Variants in PLEKHA2 observed in about 807,000 individuals in gnomAD.
The protein encoded by PLEKHA2 is pleckstrin homology domain containing A2.
A neutral mutation model predicts 53.2 loss-of-function variants in PLEKHA2; 28 were observed. The ratio of observed to expected loss-of-function variants is 0.53; its 90% CI spans 0.39 to 0.72. PLEKHA2 has a LOEUF of 0.72. PLEKHA2 is among the 30% of genes least tolerant of loss of function. PLEKHA2 has a pLI of 0.00. For missense variants in PLEKHA2, 426 were observed against 537.9 expected, an observed-to-expected ratio of 0.79 and a Z score of 2.06; for synonymous variants, 193 against 196.4, an observed-to-expected ratio of 0.98 and a Z score of 0.14.
chr8:38,970,038 CAGT>C lies in PLEKHA2; in HGVS notation c.*256_*258del. 1 of 570,214 alleles carries C rather than the reference CAGT, an allele frequency of 1.8e-6. No homozygotes were observed. The highest frequency in any genetic ancestry group is 3.0e-6 in the Non-Finnish European group (1 of 329,842). The allele number at this position is 570,214 out of a possible 1,614,324, so 35.3% of individuals were successfully genotyped here. A position where few individuals can be genotyped will look rare whatever the true frequency, so the allele number is the denominator to read the frequency against. On this transcript the variant is annotated 3_prime_UTR_variant, in exon 12 of 12. Transcript: ENST00000617275. ...ACTAGGTTAGAACTGTAGGCATACTCAGTGGAGAGGAAGCTACCTATTCTATTC... is the reference window on the plus strand; with the variant it reads ...ACTAGGTTAGAACTGTAGGCATACTCGGAGAGGAAGCTACCTATTCTATTC...
chr8:38,930,587 C>T (rs1011483130), intron 2 of PLEKHA2, among the ~76,000 whole-genome samples: 28 of 152,224 alleles, frequency 1.8e-4, no homozygotes, highest in Non-Finnish European at 2.2e-4. Context: ...ATGTACAGAC[C>T]ACTCCTGACT....
At chr8:38,960,631 C>CAACA (rs1318863557) in intron 10 of PLEKHA2, among the ~76,000 whole-genome samples, 2 of 152,150 alleles carry the variant, frequency 1.3e-5, no homozygotes, top group Non-Finnish European at 2.9e-5. Context: ...TAATAGAAGA[C>CAACA]AACAGGATTC....
At chr8:38,932,183 A>T (rs1392235255) in intron 2 of PLEKHA2, among the ~76,000 whole-genome samples, 3 of 152,032 alleles carry the variant, frequency 2.0e-5, no homozygotes, top group Admixed American at 2.0e-4. Flanking sequence ...TTTTGTAGAG[A>T]CAGAGTCTTG....
chr8:38,931,327 C>T (rs1450928006), intron 2 of PLEKHA2, among the ~76,000 whole-genome samples: 1 of 152,118 alleles, frequency 6.6e-6, no homozygotes. Context: ...ACATAAGCAG[C>T]CTTCCAGAAC....
intron 10 of PLEKHA2, among the ~76,000 whole-genome samples, chr8:38,964,335 T>C (rs539810509): frequency 6.6e-6 from 1 of 152,272 alleles, no homozygotes; most frequent in African/African-American, 2.4e-5. Context: ...AGGTGAGCAG[T>C]GGGAGAGCAA....
At chr8:38,943,740 A>T (rs371487451) in intron 3 of PLEKHA2, 49 bp from the exon 4 acceptor site, 160 of 1,397,066 alleles carry the variant, frequency 1.1e-4, no homozygotes, top group Non-Finnish European at 1.0e-4. Flanking sequence ...GAAATCTTCA[A>T]CATTGTAAGA....
chr8:38,966,353 T>A (rs1835135423), intron 10 of PLEKHA2, among the ~76,000 whole-genome samples: 2 of 152,004 alleles, frequency 1.3e-5, no homozygotes, highest in Admixed American at 6.5e-5. Flanking sequence ...TAGTGTGTGG[T>A]GGTGGCACAT....
intron 11 of PLEKHA2, 108 bp downstream of exon 11, chr8:38,968,777 G>T: frequency 9.7e-7 from 1 of 1,028,584 alleles, no homozygotes. Context: ...CCGAGGTGCA[G>T]CTGAAGCCCC....
intron 2 of PLEKHA2, among the ~76,000 whole-genome samples, chr8:38,929,814 A>T (rs1230412721): frequency 1.3e-5 from 2 of 152,226 alleles, no homozygotes; most frequent in Non-Finnish European, 2.9e-5. Flanking sequence ...TAGAGGACTC[A>T]TGTGTAGTGA....
intron 2 of PLEKHA2, among the ~76,000 whole-genome samples, chr8:38,929,747 G>C (rs1834355067): frequency 6.6e-6 from 1 of 152,234 alleles, no homozygotes; most frequent in Non-Finnish European, 1.5e-5. Context: ...GATGTTAGGA[G>C]TTTGAGCTCT....
intron 2 of PLEKHA2, among the ~76,000 whole-genome samples, chr8:38,933,802 A>G (rs1028921128): frequency 4.6e-5 from 7 of 150,840 alleles, no homozygotes; most frequent in African/African-American, 1.5e-4. Context: ...AAAGAAAAGA[A>G]AGAAAAGCAG....
chr8:38,950,280 T>C (rs996177514), intron 5 of PLEKHA2, among the ~76,000 whole-genome samples: 2 of 152,202 alleles, frequency 1.3e-5, no homozygotes, highest in East Asian at 1.9e-4. Context: ...GTGACCCTCC[T>C]GCCTTGGCCT....
chr8:38,946,432 T>C (rs1834716413), intron 5 of PLEKHA2, among the ~76,000 whole-genome samples: 1 of 152,216 alleles, frequency 6.6e-6, no homozygotes, highest in Non-Finnish European at 1.5e-5. Flanking sequence ...CAAGGGGAAG[T>C]TCATGGAGCG....
chr8:38,963,957 T>C (rs1306502858), intron 10 of PLEKHA2, among the ~76,000 whole-genome samples: 1 of 152,216 alleles, frequency 6.6e-6, no homozygotes, highest in African/African-American at 2.4e-5. Flanking sequence ...GAAAGAGATT[T>C]AATTATTTTA....
chr8:38,970,255 C>T lies in PLEKHA2; in HGVS notation c.*472C>T, dbSNP rs1437115316. 1.2e-5 allele frequency: 5 copies of T among 400,918 alleles called. No individual in the cohort carries two copies. The highest frequency in any genetic ancestry group is 1.0e-4 in the South Asian group (1 of 9,526). The allele number at this position is 400,918 out of a possible 1,614,324, so 24.8% of individuals were successfully genotyped here. A position where few individuals can be genotyped will look rare whatever the true frequency, so the allele number is the denominator to read the frequency against. Reference sequence around the variant, plus strand: ...GCCAGCATTAGTCTAATTTTAAGCGCTATGTGTTTTGTACCCTTGCAAACT... The same window carrying T: ...GCCAGCATTAGTCTAATTTTAAGCGTTATGTGTTTTGTACCCTTGCAAACT... On this transcript the variant is annotated 3_prime_UTR_variant, in exon 12 of 12. Coordinates refer to ENST00000617275, the MANE Select transcript of PLEKHA2 (RefSeq NM_021623.2).
At chr8:38,935,225 T>G (rs1376083758) in intron 2 of PLEKHA2, among the ~76,000 whole-genome samples, 1 of 152,010 alleles carries the variant, frequency 6.6e-6, no homozygotes, top group Non-Finnish European at 1.5e-5. Flanking sequence ...TCCAGGCTGG[T>G]CTCGAACTCC....
rs373953083 is a variant in PLEKHA2, at chr8:38,952,276, C to A, written c.597C>A (p.Leu199=). The A allele has an allele frequency of 5.0e-6, 8 of 1,612,694 alleles. No individual in the cohort carries two copies. The East Asian group carries it at 1.8e-4, about 36-fold the overall frequency. The change falls in exon 7 of 12, where the codon CTC becomes CTA. Residue 199 remains leucine, a synonymous_variant. Coordinates refer to ENST00000617275, the MANE Select transcript of PLEKHA2 (RefSeq NM_021623.2). ...GCCGTGCTTCCACTGGGCCTCCCCT[C>A]ATTAAGAGTGGTTACTGCGTGAAGC... ...SGCRASTGPP[L]IKSGYCVKQG...
intron 5 of PLEKHA2, among the ~76,000 whole-genome samples, chr8:38,947,703 A>G (rs1448895724): frequency 6.6e-6 from 1 of 152,160 alleles, no homozygotes; most frequent in African/African-American, 2.4e-5. Flanking sequence ...ACCGGAGCAT[A>G]AGCACTGACA....
At chr8:38,909,607 T>C (rs1040710877) in intron 1 of PLEKHA2, among the ~76,000 whole-genome samples, 5 of 152,200 alleles carry the variant, frequency 3.3e-5, no homozygotes, top group Admixed American at 2.0e-4. Context: ...GAATCTCCAC[T>C]GGTGGAACCT....
Sources: gnomAD v4.1 joint callset for allele counts (sites outside exome capture counted in the v4.1 genomes callset) on GRCh38, gnomAD v4.1.1 for gene constraint, MANE v1.5 for transcripts, NCBI Gene and HGNC (gene_info 2026-07-23, HGNC 2026-07-21) for gene names.